Variants in EGFL6 observed in about 807,000 individuals in gnomAD.
EGFL6 encodes epidermal growth factor-like protein 6.
Under a neutral mutation model 43.1 loss-of-function variants are expected in EGFL6, and 42 were observed. The ratio of observed to expected loss-of-function variants is 0.98; its 90% CI spans 0.76 to 1.26. The LOEUF is 1.26. EGFL6 is among the 50% of genes most tolerant of loss of function. The probability of loss-of-function intolerance (pLI) is 0.00; values close to 1 mark genes in which losing one functional copy is unlikely to be tolerated. For synonymous variants in EGFL6, 164 were observed against 163.2 expected (o/e 1.01, Z -0.04); for missense variants, 429 against 427.8 (o/e 1.00, Z -0.02).
chrX:13,599,263 C>A (rs1466404262), intron 3 of EGFL6, among the ~76,000 whole-genome samples: 1 of 111,213 alleles, frequency 9.0e-6, no homozygotes, highest in Non-Finnish European at 1.9e-5. Context: ...ATGTATGGCT[C>A]GATGAATTTT....
Position 13,633,013 on chromosome X carries a change from G to C in EGFL6, c.1580G>C (p.Gly527Ala), listed in dbSNP as rs1339981852. ...ATTTTTGAAGCAGAACGTGGCAAGG[G>C]CAAAACCGGCGAAATCGCAGTGGAT... ...SIIFEAERGK[G>A]KTGEIAVDGV... Residue 527 changes from glycine (G) to alanine (A), a missense_variant, in exon 12 of 12, where the codon GGC becomes GCC. Gly to Ala is a moderately conservative substitution (Grantham distance 60, BLOSUM62 0). Transcript: ENST00000361306. 1.7e-6 allele frequency: 2 copies of C among 1,205,216 alleles called. No individual in the cohort carries two copies. The highest frequency in any genetic ancestry group is 3.5e-5 in the African/African-American group (2 of 56,873).
In EGFL6 at chrX:13,607,748, C is replaced by T. The variant is rs889842398; in HGVS notation, c.656-576C>T. On this transcript the variant is annotated intron_variant, in intron 6 of 11. Coordinates refer to ENST00000361306, the MANE Select transcript of EGFL6 (RefSeq NM_015507.4). ...ATTAAAACCAACAGACTATTTTGTA[C>T]ATACATGTCTACAAATGCATAGATA... Among the ~76,000 whole-genome samples the T allele has an allele frequency of 1.8e-4, 20 of 112,607 alleles. No individual in the cohort carries two copies. In the Admixed American group the frequency reaches 1.8e-3, roughly 10 times the overall value.
In EGFL6 at chrX:13,589,596, G is replaced by T. The variant is rs182779010; in HGVS notation, c.115G>T (p.Gly39Trp). 9.1e-6 allele frequency: 11 copies of T among 1,209,606 alleles called. No individual in the cohort carries two copies. The East Asian group carries it at 3.0e-4, about 33-fold the overall frequency. Residue 39 changes from glycine (G) to tryptophan (W), a missense_variant, in exon 2 of 12, where the codon GGG becomes TGG. Gly to Trp is a radical substitution (Grantham distance 184, BLOSUM62 -2). Coordinates refer to ENST00000361306, the MANE Select transcript of EGFL6 (RefSeq NM_015507.4). ...HGLLASARQP[G>W]VCHYGTKLAC... ...GTTGTTAGCATCGGCACGTCAGCCTGGGGTCTGTCACTATGGAACTAAACT... is the reference window on the plus strand; with the variant it reads ...GTTGTTAGCATCGGCACGTCAGCCTTGGGTCTGTCACTATGGAACTAAACT...
At chrX:13,616,974 A>G (rs968142662) in intron 7 of EGFL6, among the ~76,000 whole-genome samples, 25 of 106,545 alleles carry the variant, frequency 2.3e-4, no homozygotes, top group African/African-American at 8.7e-4. Context: ...GGTTCACGCC[A>G]TTCTCCTGCC....
At chrX:13,596,404 AGGACTTACCTTCAGTCAAGG>A (rs1286571332) in intron 3 of EGFL6, 2 of 111,709 alleles carry the variant, frequency 1.8e-5, no homozygotes, top group Non-Finnish European at 3.8e-5. Context: ...CCGATAGAGG[AGGACTTACCTTCAGTCAAGG>A]GTATATTAGC....
Position 13,618,063 on chromosome X carries a change from A to G in EGFL6, c.1102+10A>G. On this transcript the variant is annotated intron_variant, in intron 8 of 11. Coordinates refer to ENST00000361306, the MANE Select transcript of EGFL6 (RefSeq NM_015507.4). ...CGAGGAGATGTGTTTTGTGAGTGTT[A>G]TTTTTATTTTATATGTTTTATGAAA... The G allele has an allele frequency of 8.6e-7, 1 of 1,160,426 alleles. No homozygotes were observed. Among genetic ancestry groups the G allele is most frequent in the South Asian group, 2.0e-5 (1 of 49,985 alleles).
At chrX:13,608,280 A>T (rs1050169505) in intron 6 of EGFL6, 44 bp from the exon 7 acceptor site, 2 of 1,197,981 alleles carry the variant, frequency 1.7e-6, no homozygotes, top group African/African-American at 3.5e-5. Flanking sequence ...GTCTTTCAGC[A>T]AGCTCTGTAC....
chrX:13,629,740 A>G (rs2045800645), intron 11 of EGFL6, among the ~76,000 whole-genome samples: 1 of 112,202 alleles, frequency 8.9e-6, no homozygotes, highest in Admixed American at 9.4e-5. Flanking sequence ...TCTGAATCCA[A>G]AGCCCCATCC....
intron 3 of EGFL6, among the ~76,000 whole-genome samples, chrX:13,597,178 A>C (rs2045602641): frequency 8.9e-6 from 1 of 112,277 alleles, no homozygotes; most frequent in African/African-American, 3.2e-5. Flanking sequence ...GCATGAAGAA[A>C]TCTTCAATAA....
At chrX:13,590,382 C>G (rs1420976746) in intron 2 of EGFL6, 1 of 111,837 alleles carries the variant, frequency 8.9e-6, no homozygotes, top group Non-Finnish European at 1.9e-5. Flanking sequence ...GGCAGTGTAG[C>G]AGAACCAAAT....
At position 13,572,526 on chromosome X, in the gene EGFL6, T is replaced by G. The variant is rs141561601; in HGVS notation, c.74+2591T>G. On this transcript the variant is annotated intron_variant, in intron 1 of 11. Coordinates refer to ENST00000361306, the MANE Select transcript of EGFL6 (RefSeq NM_015507.4). ...AGAACACTTATTGATCTGAACTCCA[T>G]CTCGAGTGTTCTAAGTCCTAACACT... Among the ~76,000 whole-genome samples, 125 of 112,399 alleles carry G rather than the reference T, an allele frequency of 1.1e-3. No homozygotes were observed. The East Asian group carries it at 0.022, about 20-fold the overall frequency.
chrX:13,629,810 G>C (rs901911370), intron 11 of EGFL6, among the ~76,000 whole-genome samples: 1 of 111,612 alleles, frequency 9.0e-6, no homozygotes. Flanking sequence ...TGGGATAGGG[G>C]CCCCCTCCCT....
intron 11 of EGFL6, among the ~76,000 whole-genome samples, chrX:13,632,540 G>A (rs1602663949): frequency 1.8e-5 from 2 of 109,504 alleles, no homozygotes; most frequent in East Asian, 2.9e-4. Context: ...TCCTGACCTC[G>A]TGATCCGCCC....
intron 1 of EGFL6, among the ~76,000 whole-genome samples, chrX:13,577,919 C>T (rs567591711): frequency 9.8e-5 from 11 of 111,886 alleles, no homozygotes; most frequent in African/African-American, 3.2e-4. Context: ...TTAACACGAT[C>T]GTGACTAATT....
intron 1 of EGFL6, chrX:13,574,778 C>T (rs1464504472): frequency 8.9e-6 from 1 of 112,287 alleles, no homozygotes; most frequent in East Asian, 2.8e-4. Context: ...GGCTCCAACT[C>T]ATTATGAAAA....
intron 6 of EGFL6, 150 bp downstream of exon 6, chrX:13,606,663 G>A (rs2045662525): frequency 1.7e-6 from 1 of 572,433 alleles, no homozygotes; most frequent in Non-Finnish European, 2.6e-6. Context: ...ATTTTTTTAG[G>A]TGTCTGGCAT....
At chrX:13,625,899 AAAAAG>A (rs2045777611) in intron 10 of EGFL6, among the ~76,000 whole-genome samples, 2 of 39,152 alleles carry the variant, frequency 5.1e-5, no homozygotes, top group African/African-American at 7.4e-5. Context: ...AAAAAAAAAA[AAAAAG>A]AAAAAGAAAA....
At chrX:13,626,738 A>G (rs1392260818) in intron 10 of EGFL6, among the ~76,000 whole-genome samples, 2 of 112,361 alleles carry the variant, frequency 1.8e-5, no homozygotes, top group Non-Finnish European at 3.8e-5. Context: ...ATTTAATTAG[A>G]TTCTTACCCC....
At chrX:13,593,485 G>C (rs1317530277) in intron 2 of EGFL6, among the ~76,000 whole-genome samples, 3 of 111,630 alleles carry the variant, frequency 2.7e-5, no homozygotes, top group Non-Finnish European at 5.6e-5. Context: ...GGTTTCAGAA[G>C]AAGTCTAGCT....
Sources: gnomAD v4.1 joint callset for allele counts (sites outside exome capture counted in the v4.1 genomes callset) on GRCh38, gnomAD v4.1.1 for gene constraint, MANE v1.5 for transcripts, NCBI Gene and HGNC (gene_info 2026-07-23, HGNC 2026-07-21) for gene names.